Variants in EGFLAM observed in about 807,000 individuals in gnomAD.
The protein encoded by EGFLAM is EGF like, fibronectin type III and laminin G domains.
EGFLAM carries 79 observed loss-of-function variants against 113.1 expected under a neutral mutation model. That is an observed-to-expected ratio of 0.70 (90% CI 0.58 to 0.84). The LOEUF (loss-of-function observed/expected upper bound fraction) is 0.84. EGFLAM is among the 40% of genes least tolerant of loss of function. EGFLAM has a pLI of 0.00. For missense variants in EGFLAM, 1,265 were observed against 1,291.6 expected, an observed-to-expected ratio of 0.98 and a Z score of 0.32; for synonymous variants, 504 against 487.6, an observed-to-expected ratio of 1.03 and a Z score of -0.44.
At chr5:38,373,747 T>C (rs767632913) in intron 6 of EGFLAM, among the ~76,000 whole-genome samples, 1 of 151,860 alleles carries the variant, frequency 6.6e-6, no homozygotes, top group Non-Finnish European at 1.5e-5. Flanking sequence ...CTTTTTCATA[T>C]AATGATTTCT....
chr5:38,307,026 G>T (rs1439418578), intron 1 of EGFLAM, among the ~76,000 whole-genome samples: 3 of 152,186 alleles, frequency 2.0e-5, no homozygotes, highest in Admixed American at 6.5e-5. Context: ...CTAGTCCCCA[G>T]TGTGGGTAAG....
At chr5:38,359,847 C>T (rs186255558) in intron 5 of EGFLAM, among the ~76,000 whole-genome samples, 4 of 152,170 alleles carry the variant, frequency 2.6e-5, no homozygotes, top group Non-Finnish European at 5.9e-5. Flanking sequence ...TCCTTTCTGA[C>T]TTTTCTGCCT....
intron 12 of EGFLAM, among the ~76,000 whole-genome samples, chr5:38,424,213 C>T (rs1285994422): frequency 1.3e-5 from 2 of 152,194 alleles, no homozygotes; most frequent in African/African-American, 4.8e-5. Flanking sequence ...ATTTGTTTTC[C>T]TCTGATGACC....
intron 6 of EGFLAM, among the ~76,000 whole-genome samples, chr5:38,392,498 G>A (rs1038607015): frequency 6.6e-6 from 1 of 152,086 alleles, no homozygotes; most frequent in African/African-American, 2.4e-5. Flanking sequence ...TGGGTTGAAT[G>A]GTAGTTCTAC....
chr5:38,448,929 C>T (rs1742814220), intron 18 of EGFLAM, among the ~76,000 whole-genome samples: 1 of 152,208 alleles, frequency 6.6e-6, no homozygotes, highest in African/African-American at 2.4e-5. Flanking sequence ...CTTCTCAGCT[C>T]TCTTCATGTG....
intron 6 of EGFLAM, among the ~76,000 whole-genome samples, chr5:38,401,394 G>A (rs1233264619): frequency 6.6e-6 from 1 of 152,236 alleles, no homozygotes; most frequent in African/African-American, 2.4e-5. Flanking sequence ...TGATTCTAGA[G>A]TTAGAGCTTC....
At chr5:38,397,783 C>A (rs1394544986) in intron 6 of EGFLAM, among the ~76,000 whole-genome samples, 1 of 152,028 alleles carries the variant, frequency 6.6e-6, no homozygotes, top group African/African-American at 2.4e-5. Flanking sequence ...TTTGACTCTC[C>A]CTACCCCCAC....
chr5:38,374,641 G>A (rs1327770751), intron 6 of EGFLAM, among the ~76,000 whole-genome samples: 1 of 152,224 alleles, frequency 6.6e-6, no homozygotes, highest in Non-Finnish European at 1.5e-5. Context: ...GCCAGAGGCT[G>A]CATGATTCCT....
In EGFLAM at chr5:38,430,384, T is replaced by C. The variant is rs535530681; in HGVS notation, c.2055-793T>C. ...TTCACCAGACTCACTGAACCCCATT[T>C]CAGGCTCATTGTAAGGAATAAATAA... On this transcript the variant is annotated intron_variant, in intron 14 of 21. Coordinates refer to ENST00000322350, the MANE Select transcript of EGFLAM (RefSeq NM_152403.4). Among the ~76,000 whole-genome samples the C allele has an allele frequency of 6.9e-4, 105 of 152,326 alleles. 1 individual carries two copies. Among genetic ancestry groups the C allele is most frequent in the African/African-American group, 2.3e-3 (97 of 41,578 alleles).
intron 6 of EGFLAM, among the ~76,000 whole-genome samples, chr5:38,373,967 G>C (rs573005891): frequency 3.3e-5 from 5 of 152,274 alleles, no homozygotes; most frequent in African/African-American, 1.2e-4. Flanking sequence ...CATGTAGATG[G>C]TGGGAAGTGG....
intron 3 of EGFLAM, among the ~76,000 whole-genome samples, chr5:38,349,376 T>C (rs1322526419): frequency 6.6e-6 from 1 of 152,184 alleles, no homozygotes; most frequent in Non-Finnish European, 1.5e-5. Context: ...GGTTCCCACA[T>C]GCCCAAGACA....
In EGFLAM at chr5:38,367,976, A is replaced by G. The variant is rs149418242; in HGVS notation, c.546-2320A>G. ...GGAAATAAGAGTTTTTCTTTTCTGC[A>G]TTAAATGGACAACATGTACAAAATC... is the stretch of plus-strand genomic sequence containing the variant. On this transcript the variant is annotated intron_variant, in intron 5 of 21. Transcript: ENST00000322350. 1.7e-3 allele frequency among the ~76,000 whole-genome samples: 261 copies of G among 152,358 alleles called. 1 individual carries two copies. Among genetic ancestry groups the G allele is most frequent in the Middle Eastern group, 0.017 (5 of 294 alleles).
At chr5:38,396,257 G>GGAGAGA (rs57874446) in intron 6 of EGFLAM, among the ~76,000 whole-genome samples, 1 of 150,308 alleles carries the variant, frequency 6.7e-6, no homozygotes, top group Non-Finnish European at 1.5e-5. Context: ...TCCCACAGAA[G>GGAGAGA]GAGAGAGAGA....
rs574823841 is a variant in EGFLAM at position 38,464,329 on chromosome 5, A to AAG, written c.*357_*358dup. 1,192 of 224,820 alleles carry AAG rather than the reference A, an allele frequency of 5.3e-3. 6 individuals are homozygous for AAG. Among genetic ancestry groups the AAG allele is most frequent in the Non-Finnish European group, 7.0e-3 (802 of 114,076 alleles). The allele number at this position is 224,820 out of a possible 1,614,324, so 13.9% of individuals were successfully genotyped here. ...GTGTTGTGATTCATAGTACATTAAA[A>AAG]AGAGAGAGAGAGAGAAAGAATCCCA... On this transcript the variant is annotated 3_prime_UTR_variant, in exon 22 of 22. Coordinates refer to ENST00000322350, the MANE Select transcript of EGFLAM (RefSeq NM_152403.4).
At chr5:38,322,563 A>G (rs1738771219) in intron 1 of EGFLAM, among the ~76,000 whole-genome samples, 1 of 152,172 alleles carries the variant, frequency 6.6e-6, no homozygotes, top group African/African-American at 2.4e-5. Flanking sequence ...CCCATGAAGT[A>G]TTTAGGGAGG....
rs749680435 is a variant in EGFLAM, at chr5:38,412,527, C to T, written c.1373C>T (p.Ala458Val). The change falls in exon 11 of 22, where the codon GCC becomes GTC. Residue 458 changes from alanine to valine, a missense_variant. Physicochemically the swap from Ala to Val is moderately conservative, Grantham distance 64 (BLOSUM62 0). Coordinates refer to ENST00000322350, the MANE Select transcript of EGFLAM (RefSeq NM_152403.4). ...AGGTTTAATTGTGGAACTGGGGTTGCCATCATCGTAAGTGAGACCAAAATC... is the reference window on the plus strand; with the variant it reads ...AGGTTTAATTGTGGAACTGGGGTTGTCATCATCGTAAGTGAGACCAAAATC... ...QFRFNCGTGV[A>V]IIVSETKIKL... 5.0e-6 allele frequency: 8 copies of T among 1,614,094 alleles called. No individual in the cohort carries two copies. The highest frequency in any genetic ancestry group is 8.5e-7 in the Non-Finnish European group (1 of 1,180,020).
At chr5:38,281,012 T>C (rs767825505) in intron 1 of EGFLAM, among the ~76,000 whole-genome samples, 10 of 152,114 alleles carry the variant, frequency 6.6e-5, no homozygotes, top group African/African-American at 1.2e-4. Flanking sequence ...ATCTGACCAC[T>C]TGGATAAGGG....
At chr5:38,268,335 T>A (rs1437596406) in intron 1 of EGFLAM, among the ~76,000 whole-genome samples, 1 of 152,090 alleles carries the variant, frequency 6.6e-6, no homozygotes, top group Non-Finnish European at 1.5e-5. Flanking sequence ...CTGTCTTTAA[T>A]CCCACCATCT....
At chr5:38,361,216 C>G (rs1739912608) in intron 5 of EGFLAM, among the ~76,000 whole-genome samples, 1 of 151,994 alleles carries the variant, frequency 6.6e-6, no homozygotes, top group Non-Finnish European at 1.5e-5. Flanking sequence ...TATTCTACCT[C>G]CTTACTTAGC....
Sources: allele counts gnomAD v4.1 joint callset (sites outside exome capture counted in the v4.1 genomes callset), GRCh38; gene constraint gnomAD v4.1.1; transcripts MANE v1.5; gene names NCBI Gene and HGNC (gene_info 2026-07-23, HGNC 2026-07-21).